Variants in BCO1 observed in about 807,000 individuals in gnomAD.
BCO1 encodes beta-carotene oxygenase 1.
Under a neutral mutation model 56.3 loss-of-function variants are expected in BCO1, and 54 were observed. That is an observed-to-expected ratio of 0.96 (90% CI 0.77 to 1.20). The LOEUF is 1.20. BCO1 is among the 50% of genes most tolerant of loss of function. The probability of loss-of-function intolerance (pLI) is 0.00; values close to 1 mark genes in which losing one functional copy is unlikely to be tolerated. For synonymous variants in BCO1, 318 were observed against 266.1 expected (o/e 1.20, Z -1.90); for missense variants, 801 against 690.9 (o/e 1.16, Z -1.79).
At chr16:81,260,662 C>T (rs1172933704) in intron 3 of BCO1, among the ~76,000 whole-genome samples, 1 of 152,142 alleles carries the variant, frequency 6.6e-6, no homozygotes, top group Non-Finnish European at 1.5e-5. Flanking sequence ...GCACCCACCA[C>T]CACGCCCGGC....
chr16:81,281,108 T>G, intron 8 of BCO1, 146 bp downstream of exon 8: 3 of 682,082 alleles, frequency 4.4e-6, no homozygotes, highest in Non-Finnish European at 5.2e-6. Flanking sequence ...GAAAAGCATC[T>G]GGGGACATTT....
chr16:81,278,897 GC>G (rs1306547924), intron 7 of BCO1, among the ~76,000 whole-genome samples: 1 of 151,716 alleles, frequency 6.6e-6, no homozygotes, highest in Non-Finnish European at 1.5e-5. Context: ...GAGGACCCTT[GC>G]GGTTCAGCTG....
At chr16:81,269,384 G>A (rs368864589) in intron 6 of BCO1, among the ~76,000 whole-genome samples, 11 of 150,686 alleles carry the variant, frequency 7.3e-5, no homozygotes, top group East Asian at 2.0e-4. Flanking sequence ...TGTAACCTCC[G>A]CCTACGTATC....
At chr16:81,279,472 A>C (rs142153865) in intron 7 of BCO1, among the ~76,000 whole-genome samples, 1 of 152,252 alleles carries the variant, frequency 6.6e-6, no homozygotes, top group Non-Finnish European at 1.5e-5. Flanking sequence ...TAATAATAGT[A>C]ATAATAATAT....
In BCO1 at chr16:81,239,033, T is replaced by G. The variant is rs568723047; in HGVS notation, c.64+61T>G. 2,033 of 1,377,674 alleles carry G rather than the reference T, an allele frequency of 1.5e-3. 3 individuals carry two copies. Among genetic ancestry groups the G allele is most frequent in the Non-Finnish European group, 1.9e-3 (1,890 of 1,005,120 alleles). The allele number at this position is 1,377,674 out of a possible 1,614,324, so 85.3% of individuals were successfully genotyped here. On this transcript the variant is annotated intron_variant, in intron 1 of 10. Transcript: ENST00000258168. ...ATTTATTTTATTATTTTTTTTTTTT[T>G]TGAGGCGGAGTCTCGCTCTGTCGCC... is the stretch of plus-strand genomic sequence containing the variant.
intron 7 of BCO1, among the ~76,000 whole-genome samples, chr16:81,275,151 G>A (rs1235615765): frequency 6.6e-6 from 1 of 152,252 alleles, no homozygotes; most frequent in Admixed American, 6.5e-5. Context: ...GAGGTTTACT[G>A]GAGAAGCGAC....
Position 81,290,365 on chromosome 16 carries a change from A to G in BCO1, c.1432A>G (p.Ile478Val). ...CCCTAAAGGAGTAATCTTATCAGCC[A>G]TTGTCTCTACTGATCCCCAAAAGCT... The part of the protein sequence containing the change: ...DEDDGVILSA[I>V]VSTDPQKLPF... The change falls in exon 11 of 11, where the codon ATT becomes GTT. Residue 478 changes from isoleucine (I) to valine (V), a missense_variant. By Grantham distance (29) the Ile-to-Val change is conservative. Coordinates refer to ENST00000258168, the MANE Select transcript of BCO1 (RefSeq NM_017429.3). The G allele has an allele frequency of 1.2e-6, 2 of 1,613,982 alleles. No homozygotes were observed. The highest frequency in any genetic ancestry group is 1.7e-6 in the Non-Finnish European group (2 of 1,179,822).
chr16:81,242,386 T>C (rs1905169037), intron 1 of BCO1, among the ~76,000 whole-genome samples: 1 of 151,730 alleles, frequency 6.6e-6, no homozygotes, highest in Admixed American at 6.6e-5. Flanking sequence ...TTTTCAGTAG[T>C]GACGGGGTTT....
chr16:81,244,083 C>A (rs76252226), intron 1 of BCO1, among the ~76,000 whole-genome samples: 1 of 152,250 alleles, frequency 6.6e-6, no homozygotes, highest in Non-Finnish European at 1.5e-5. Flanking sequence ...GCTTCCTGCT[C>A]TTCCTGCATG....
intron 7 of BCO1, among the ~76,000 whole-genome samples, chr16:81,275,370 G>T (rs1443023959): frequency 6.6e-6 from 1 of 152,220 alleles, no homozygotes; most frequent in African/African-American, 2.4e-5. Context: ...AGGCCCGGGT[G>T]TGGTCTCAGA....
intron 3 of BCO1, among the ~76,000 whole-genome samples, chr16:81,261,657 G>A (rs755881684): frequency 2.0e-5 from 3 of 152,162 alleles, no homozygotes; most frequent in Non-Finnish European, 2.9e-5. Context: ...CAACGTGGAG[G>A]TGTCTTTGGG....
intron 5 of BCO1, 122 bp downstream of exon 5, chr16:81,264,909 G>C: frequency 8.7e-7 from 1 of 1,143,120 alleles, no homozygotes; most frequent in South Asian, 1.3e-5. Context: ...GATTATTGAG[G>C]TGGACCATGA....
chr16:81,256,278 A>G (rs1439512305), intron 2 of BCO1, among the ~76,000 whole-genome samples: 1 of 152,056 alleles, frequency 6.6e-6, no homozygotes, highest in Non-Finnish European at 1.5e-5. Flanking sequence ...TCCTTTTCCT[A>G]AGATATCAAA....
Position 81,287,324 on chromosome 16 carries a change from A to T in BCO1, c.1332A>T (p.Ser444=). ...TAAAATATGACATTCTCACAAAGTC[A>T]TCCTTAAAATGGAGAGAGGACGACT... The part of the protein sequence containing the change: ...KIIKYDILTK[S]SLKWREDDCW... Residue 444 remains serine (S), a synonymous_variant, in exon 10 of 11, where the codon TCA becomes TCT. Coordinates refer to ENST00000258168, the MANE Select transcript of BCO1 (RefSeq NM_017429.3). The T allele has an allele frequency of 6.2e-7, 1 of 1,614,020 alleles. No individual in the cohort carries two copies. Among genetic ancestry groups the T allele is most frequent in the Non-Finnish European group, 8.5e-7 (1 of 1,179,886 alleles).
chr16:81,287,234 T>G, intron 9 of BCO1, 61 bp from the exon 10 acceptor site: 1 of 1,271,382 alleles, frequency 7.9e-7, no homozygotes, highest in East Asian at 2.3e-5. Flanking sequence ...CACTCCTATT[T>G]GCAGAGAATA....
Position 81,238,993 on chromosome 16 carries a change from T to G in BCO1, c.64+21T>G, listed in dbSNP as rs746307965. The G allele has an allele frequency of 7.5e-6, 12 of 1,605,008 alleles. 1 individual carries two copies. Among genetic ancestry groups the G allele is most frequent in the African/African-American group, 6.7e-5 (5 of 74,560 alleles). ...GACAGGTGAGCATTCTGATAAACACTGGGCTCTTTCTTCTATTTATTTTAT... is the reference window on the plus strand; with the variant it reads ...GACAGGTGAGCATTCTGATAAACACGGGGCTCTTTCTTCTATTTATTTTAT... On this transcript the variant is annotated intron_variant, in intron 1 of 10. Transcript: ENST00000258168.
intron 1 of BCO1, among the ~76,000 whole-genome samples, chr16:81,241,175 A>G (rs111836083): frequency 0.057 from 8,729 of 151,856 alleles, 510 homozygotes; most frequent in African/African-American, 0.15. Flanking sequence ...TTAGCCAGGC[A>G]TGGTGGTGCA....
At chr16:81,272,267 C>T (rs1907274950) in intron 7 of BCO1, among the ~76,000 whole-genome samples, 1 of 151,830 alleles carries the variant, frequency 6.6e-6, no homozygotes, top group Non-Finnish European at 1.5e-5. Context: ...ACACCTGCCA[C>T]CACGCCTGGC....
chr16:81,266,538 G>C (rs182683079), intron 5 of BCO1, among the ~76,000 whole-genome samples: 1 of 152,280 alleles, frequency 6.6e-6, no homozygotes, highest in East Asian at 1.9e-4. Flanking sequence ...TTCGAGGTCA[G>C]AAGGTACACG....
Sources: allele counts gnomAD v4.1 joint callset (sites outside exome capture counted in the v4.1 genomes callset), GRCh38; gene constraint gnomAD v4.1.1; transcripts MANE v1.5; gene names NCBI Gene and HGNC (gene_info 2026-07-23, HGNC 2026-07-21).